The following TEKT3 variants were observed in gnomAD, a reference collection of about 807,000 sequenced individuals.
The protein encoded by TEKT3 is tektin 3, also known as tektin-3.
A neutral mutation model predicts 49.8 loss-of-function variants in TEKT3; 49 were observed. The observed-to-expected ratio is 0.98, with a 90% CI of 0.78 to 1.25. The LOEUF (loss-of-function observed/expected upper bound fraction) is 1.25. TEKT3 is among the 50% of genes most tolerant of loss of function. The probability of loss-of-function intolerance (pLI) is 0.00; values close to 1 mark genes in which losing one functional copy is unlikely to be tolerated. For missense variants in TEKT3, 595 were observed against 629.5 expected, an observed-to-expected ratio of 0.95 and a Z score of 0.59; for synonymous variants, 225 against 237.2, an observed-to-expected ratio of 0.95 and a Z score of 0.47.
chr17:15,312,442 G>T lies in TEKT3; in HGVS notation c.918C>A (p.Asp306Glu), dbSNP rs1167306362. The T allele has an allele frequency of 1.2e-6, 2 of 1,614,126 alleles. No individual in the cohort carries two copies. The highest frequency in any genetic ancestry group is 8.5e-7 in the Non-Finnish European group (1 of 1,180,028). ...VPESWAKFTD[D>E]NILRSQSERA... The stretch of plus-strand genomic sequence containing the variant: ...GTTCACTCTGGGAGCGGAGAATATT[G>T]TCATCTGTAAATTTGGCCCAGGACT... Residue 306 changes from aspartate (D) to glutamate (E), a missense_variant, in exon 7 of 9, where the codon GAC becomes GAA. Asp to Glu is a conservative substitution (Grantham distance 45, BLOSUM62 2). Coordinates refer to ENST00000395930, the MANE Select transcript of TEKT3 (RefSeq NM_031898.3).
chr17:15,321,078 C>T lies in TEKT3; in HGVS notation c.664-1931G>A, dbSNP rs985279821. Among the ~76,000 whole-genome samples the T allele has an allele frequency of 1.3e-4, 20 of 150,760 alleles. No homozygotes were observed. The East Asian group carries it at 3.5e-3, about 27-fold the overall frequency. ...AGGCCGGAGTGCAGTGGCGCGATCTCGGCTCACTGCAAGCTCCACCCCCCG... is the reference window on the plus strand; with the variant it reads ...AGGCCGGAGTGCAGTGGCGCGATCTTGGCTCACTGCAAGCTCCACCCCCCG... On this transcript the variant is annotated intron_variant, in intron 4 of 8. Coordinates refer to ENST00000395930, the MANE Select transcript of TEKT3 (RefSeq NM_031898.3).
intron 5 of TEKT3, among the ~76,000 whole-genome samples, chr17:15,317,270 A>T (rs1911051170): frequency 2.0e-5 from 3 of 152,236 alleles, no homozygotes; most frequent in South Asian, 4.1e-4. Context: ...AATTTGTAAC[A>T]GGGATTTACA....
intron 6 of TEKT3, 100 bp from the exon 7 acceptor site, chr17:15,312,581 C>T (rs1315178339): frequency 9.9e-6 from 10 of 1,009,062 alleles, no homozygotes; most frequent in East Asian, 5.1e-5. Context: ...ACCCCCAGGT[C>T]GCTGATCCTA....
intron 8 of TEKT3, among the ~76,000 whole-genome samples, chr17:15,306,681 T>G (rs975290280): frequency 2.6e-5 from 4 of 151,938 alleles, no homozygotes; most frequent in Non-Finnish European, 4.4e-5. Context: ...AGCAACCCTG[T>G]GTCTGTCTAA....
In TEKT3 at chr17:15,308,793, T is replaced by A. The variant is rs751931464; in HGVS notation, c.1127A>T (p.Glu376Val). ...AKTLQEIFQT[E>V]MTIESIKKAI... The stretch of plus-strand genomic sequence containing the variant: ...CTTCTTGATGGATTCTATGGTCATT[T>A]CAGTCTGGAAAATCTCCTGCAGGGT... Residue 376 changes from glutamate (E) to valine (V), a missense_variant, in exon 8 of 9, where the codon GAA becomes GTA. Transcript: ENST00000395930. 1 of 1,613,964 alleles carries A rather than the reference T, an allele frequency of 6.2e-7. No homozygotes were observed. The highest frequency in any genetic ancestry group is 1.3e-5 in the African/African-American group (1 of 74,918).
chr17:15,328,662 T>C (rs546645726), intron 3 of TEKT3, among the ~76,000 whole-genome samples: 1 of 152,294 alleles, frequency 6.6e-6, no homozygotes, highest in African/African-American at 2.4e-5. Context: ...CTTAACAAGA[T>C]AGAGGTTATA....
chr17:15,319,714 C>T (rs1008836203), intron 4 of TEKT3, among the ~76,000 whole-genome samples: 3 of 152,182 alleles, frequency 2.0e-5, no homozygotes, highest in Non-Finnish European at 4.4e-5. Flanking sequence ...CCTGTGCTAG[C>T]CAGGCCTCTC....
At chr17:15,305,656 C>T (rs534394078) in intron 8 of TEKT3, among the ~76,000 whole-genome samples, 89 of 152,004 alleles carry the variant, frequency 5.9e-4, no homozygotes, top group Non-Finnish European at 1.0e-3. Context: ...TCAACAGGAA[C>T]CCTGAACCCC....
rs1021041055 is a variant in TEKT3, at chr17:15,338,807, C to T, written c.-30+1221G>A. Among the ~76,000 whole-genome samples the T allele has an allele frequency of 5.9e-5, 9 of 151,652 alleles. No homozygotes were observed. In the East Asian group the frequency reaches 7.7e-4, roughly 13 times the overall value. On this transcript the variant is annotated intron_variant, in intron 2 of 8. Transcript: ENST00000395930. ...TTGGGATTACAGGCGTGAGCCACCG[C>T]GCCCAGCCAGTCAATTCTTAAGAGA... is the stretch of plus-strand genomic sequence containing the variant.
rs1279050859 is a variant in TEKT3, at chr17:15,331,527, G to C, written c.59C>G (p.Thr20Ser). Residue 20 changes from threonine to serine, a missense_variant, in exon 3 of 9, where the codon ACC becomes AGC. Coordinates refer to ENST00000395930, the MANE Select transcript of TEKT3 (RefSeq NM_031898.3). ...GGTACTGATGGCTGGTAGAAAGTTG[G>C]TTGGTGTTGGTCTAGGGTGGGCGTA... ...TTYAHPRPTP[T>S]NFLPAISTMA... The C allele has an allele frequency of 6.2e-7, 1 of 1,614,164 alleles. No individual in the cohort carries two copies. The highest frequency in any genetic ancestry group is 8.5e-7 in the Non-Finnish European group (1 of 1,180,032).
At chr17:15,315,862 A>G (rs559362981) in intron 5 of TEKT3, among the ~76,000 whole-genome samples, 78 of 152,326 alleles carry the variant, frequency 5.1e-4, no homozygotes, top group African/African-American at 1.8e-3. Context: ...GGGAATTTCT[A>G]TATTCTCAGC....
intron 5 of TEKT3, among the ~76,000 whole-genome samples, chr17:15,314,983 G>A (rs1228015281): frequency 6.6e-6 from 1 of 152,132 alleles, no homozygotes; most frequent in Non-Finnish European, 1.5e-5. Flanking sequence ...AGACCCTGGG[G>A]GCAGGCATAG....
intron 2 of TEKT3, among the ~76,000 whole-genome samples, chr17:15,334,258 G>A (rs1018077671): frequency 2.0e-5 from 3 of 151,916 alleles, no homozygotes; most frequent in Non-Finnish European, 2.9e-5. Context: ...GTTTCACTAT[G>A]TTGCCCAGGC....
In TEKT3 at chr17:15,308,751, G is replaced by C; in HGVS notation, c.1169C>G (p.Thr390Ser). Residue 390 changes from threonine to serine, a missense_variant, in exon 8 of 9, where the codon ACT becomes AGT. Transcript: ENST00000395930. Reference sequence around the variant, plus strand: ...GGTCTGAGCCACCTTCAGGAAGGCAGTCTTGTCCTTGATGGCCTTCTTGAT... The same window carrying C: ...GGTCTGAGCCACCTTCAGGAAGGCACTCTTGTCCTTGATGGCCTTCTTGAT... ...ESIKKAIKDKTAFLKVAQTRL... is the reference protein window; with the variant it reads ...ESIKKAIKDKSAFLKVAQTRL... 1 of 1,614,104 alleles carries C rather than the reference G, an allele frequency of 6.2e-7. No homozygotes were observed. Among genetic ancestry groups the C allele is most frequent in the Non-Finnish European group, 8.5e-7 (1 of 1,180,032 alleles).
intron 3 of TEKT3, among the ~76,000 whole-genome samples, chr17:15,328,483 T>C (rs923915107): frequency 6.6e-6 from 1 of 152,208 alleles, no homozygotes; most frequent in African/African-American, 2.4e-5. Flanking sequence ...ATGATTATCT[T>C]TAAAAACATC....
At chr17:15,305,370 G>C (rs941710459) in intron 8 of TEKT3, among the ~76,000 whole-genome samples, 3 of 152,184 alleles carry the variant, frequency 2.0e-5, no homozygotes, top group Non-Finnish European at 4.4e-5. Flanking sequence ...CCAATGGGGA[G>C]GGGAAGAATT....
At chr17:15,327,756 C>A in intron 4 of TEKT3, 1 of 425,392 alleles carries the variant, frequency 2.4e-6, no homozygotes, top group African/African-American at 2.0e-5. Context: ...ATAGTGATTT[C>A]TGTCTAATAA....
At chr17:15,325,199 T>A (rs1331216813) in intron 4 of TEKT3, among the ~76,000 whole-genome samples, 1 of 152,218 alleles carries the variant, frequency 6.6e-6, no homozygotes, top group African/African-American at 2.4e-5. Context: ...TCCAACTTTC[T>A]TCTTTTTCCA....
rs745366185 is a variant in TEKT3, at chr17:15,331,364, C to A, written c.222G>T (p.Arg74Ser). 43 of 1,613,940 alleles carry A rather than the reference C, an allele frequency of 2.7e-5. No individual in the cohort carries two copies. The highest frequency in any genetic ancestry group is 5.0e-5 in the Admixed American group (3 of 59,974). The stretch of plus-strand genomic sequence containing the variant: ...AGGGAAGCATGGTATTCTCGGACAC[C>A]CTCTGTGATCTGGTGCAGTACGGGG... ...SVAPYCTRSQRVSENTMLPFV... is the reference protein window; with the variant it reads ...SVAPYCTRSQSVSENTMLPFV... The change falls in exon 3 of 9, where the codon AGG becomes AGT. Residue 74 changes from arginine (R) to serine (S), a missense_variant. Physicochemically the swap from Arg to Ser is moderately radical, Grantham distance 110. Transcript: ENST00000395930.
Sources: allele counts gnomAD v4.1 joint callset (sites outside exome capture counted in the v4.1 genomes callset), GRCh38; gene constraint gnomAD v4.1.1; transcripts MANE v1.5; gene names NCBI Gene and HGNC (gene_info 2026-07-23, HGNC 2026-07-21).